The following TCERG1L variants were observed in gnomAD, a reference collection of about 807,000 sequenced individuals.
TCERG1L encodes the protein transcription elongation regulator 1 like, also known as transcription elongation regulator 1-like protein.
Under a neutral mutation model 56.3 loss-of-function variants are expected in TCERG1L, and 37 were observed. The observed-to-expected ratio is 0.66, with a 90% CI of 0.51 to 0.87. The LOEUF (loss-of-function observed/expected upper bound fraction) is 0.87. Ranked by LOEUF, TCERG1L falls within the 40% of genes least tolerant of loss-of-function variation. The pLI is 0.00. For missense variants in TCERG1L, 799 were observed against 774.2 expected (o/e 1.03, Z -0.38); for synonymous variants, 324 against 326.3 (o/e 0.99, Z 0.08).
intron 3 of TCERG1L, among the ~76,000 whole-genome samples, chr10:131,291,661 C>T (rs548663568): frequency 7.3e-5 from 11 of 151,646 alleles, no homozygotes; most frequent in Admixed American, 3.9e-4. Flanking sequence ...CTCCTGACCT[C>T]GTGATCCGCC....
intron 4 of TCERG1L, among the ~76,000 whole-genome samples, chr10:131,206,879 C>T (rs117093591): frequency 0.031 from 4,652 of 152,140 alleles, 97 homozygotes; most frequent in South Asian, 0.055. Context: ...GCGAGTGGTG[C>T]GGGAGGACGT....
chr10:131,221,965 G>A (rs891349458), intron 4 of TCERG1L, among the ~76,000 whole-genome samples: 1 of 152,190 alleles, frequency 6.6e-6, no homozygotes, highest in Non-Finnish European at 1.5e-5. Flanking sequence ...TCTCATTTTC[G>A]CTTGTTTACT....
intron 4 of TCERG1L, among the ~76,000 whole-genome samples, chr10:131,184,179 C>T (rs1480162781): frequency 2.0e-5 from 3 of 152,240 alleles, no homozygotes; most frequent in Non-Finnish European, 2.9e-5. Context: ...TAAGCGATGA[C>T]TTCATTGTCC....
intron 9 of TCERG1L, among the ~76,000 whole-genome samples, chr10:131,105,919 T>G (rs1196118440): frequency 6.6e-6 from 1 of 152,204 alleles, no homozygotes; most frequent in African/African-American, 2.4e-5. Context: ...TGACAGGTGC[T>G]CATCACTTGG....
chr10:131,095,708 A>G (rs751525164), intron 11 of TCERG1L: 8 of 152,246 alleles, frequency 5.3e-5, no homozygotes, highest in South Asian at 2.1e-4. Context: ...TAAGCATCTT[A>G]TCTCTATGTG....
At chr10:131,302,997 T>C (rs1488559722) in intron 3 of TCERG1L, among the ~76,000 whole-genome samples, 1 of 152,064 alleles carries the variant, frequency 6.6e-6, no homozygotes, top group East Asian at 1.9e-4. Context: ...ACGGTGTATA[T>C]GTGCCACATT....
At chr10:131,124,638 G>A (rs1230595076) in intron 8 of TCERG1L, among the ~76,000 whole-genome samples, 5 of 146,624 alleles carry the variant, frequency 3.4e-5, no homozygotes, top group African/African-American at 7.3e-5. Context: ...GCTGGACCCC[G>A]GCTGGCTTGG....
intron 4 of TCERG1L, among the ~76,000 whole-genome samples, chr10:131,236,769 A>T (rs1845917615): frequency 6.6e-6 from 1 of 152,140 alleles, no homozygotes; most frequent in Non-Finnish European, 1.5e-5. Context: ...AGAAGGAAGG[A>T]GTAAGGCAGG....
intron 8 of TCERG1L, among the ~76,000 whole-genome samples, chr10:131,130,768 T>A (rs1033862437): frequency 1.3e-5 from 2 of 151,606 alleles, no homozygotes; most frequent in African/African-American, 4.9e-5. Flanking sequence ...AAGTACTGAG[T>A]TTTGGGGGAA....
At position 131,267,922 on chromosome 10, in the gene TCERG1L, G is replaced by T. The variant is rs1846303090; in HGVS notation, c.671-7478C>A. Among the ~76,000 whole-genome samples, 1 of 152,210 alleles carries T rather than the reference G, an allele frequency of 6.6e-6. No individual in the cohort carries two copies. The highest frequency in any genetic ancestry group is 6.5e-5 in the Admixed American group (1 of 15,282). On this transcript the variant is annotated intron_variant, in intron 3 of 11. Transcript: ENST00000368642. This position sits in a 1 kb window ranked among gnomAD's most constrained non-coding sequence, Gnocchi z 4.9. Reference sequence around the variant, plus strand: ...CCCGGGGGCCCTAGTGCTCAGGGGTGGTCCAGGGCTCCCCTTTGCCCAGCT... The same window carrying T: ...CCCGGGGGCCCTAGTGCTCAGGGGTTGTCCAGGGCTCCCCTTTGCCCAGCT...
At chr10:131,297,957 A>G (rs1846716278) in intron 3 of TCERG1L, among the ~76,000 whole-genome samples, 1 of 152,034 alleles carries the variant, frequency 6.6e-6, no homozygotes, top group Non-Finnish European at 1.5e-5. Context: ...CTAATTTTTT[A>G]TAGCCAGGGG....
chr10:131,277,135 C>G (rs945060859), intron 3 of TCERG1L, among the ~76,000 whole-genome samples: 1 of 151,898 alleles, frequency 6.6e-6, no homozygotes, highest in African/African-American at 2.4e-5. Context: ...CACCACTGAG[C>G]TAGGAGCTGT....
At position 131,311,430 on chromosome 10, in the gene TCERG1L, G is replaced by A; in HGVS notation, c.206C>T (p.Pro69Leu). ...PPVLLASAPPPAAPLLPGLPG... is the reference protein window; with the variant it reads ...PPVLLASAPPLAAPLLPGLPG... ...GAGACCGGGGAGCAGCGGGGCCGCG[G>A]GCGGCGGGGCCGAGGCGAGCAGCAC... The change falls in exon 1 of 12, where the codon CCC becomes CTC. Residue 69 changes from proline (P) to leucine (L), a missense_variant. Physicochemically the swap from Pro to Leu is moderately conservative, Grantham distance 98. Transcript: ENST00000368642. This position sits in a 1 kb window ranked among gnomAD's most constrained non-coding sequence, Gnocchi z 4.0. The A allele has an allele frequency of 8.5e-7, 1 of 1,177,672 alleles. No individual in the cohort carries two copies. The highest frequency in any genetic ancestry group is 1.0e-6 in the Non-Finnish European group (1 of 954,734). The allele number at this position is 1,177,672 out of a possible 1,614,324, so 73.0% of individuals were successfully genotyped here.
At chr10:131,128,827 C>G (rs1384817522) in intron 8 of TCERG1L, among the ~76,000 whole-genome samples, 1 of 152,222 alleles carries the variant, frequency 6.6e-6, no homozygotes, top group East Asian at 1.9e-4. Flanking sequence ...ACAGACGAGC[C>G]GACATCACCT....
intron 4 of TCERG1L, among the ~76,000 whole-genome samples, chr10:131,255,057 G>T (rs1487125103): frequency 6.6e-6 from 1 of 152,198 alleles, no homozygotes; most frequent in African/African-American, 2.4e-5. Context: ...AGGCTAGAGA[G>T]ATCTGTGCAG....
In TCERG1L at chr10:131,093,134, C is replaced by G; in HGVS notation, c.*28G>C. 6.2e-7 allele frequency: 1 copy of G among 1,609,892 alleles called. No homozygotes were observed. The highest frequency in any genetic ancestry group is 8.5e-7 in the Non-Finnish European group (1 of 1,177,876). ...GCCCCCGGCACGCCCAGGGTCAACC[C>G]CCGGGCTTATTGCATTTTTTCACAA... On this transcript the variant is annotated 3_prime_UTR_variant, in exon 12 of 12. Coordinates refer to ENST00000368642, the MANE Select transcript of TCERG1L (RefSeq NM_174937.4).
At chr10:131,105,774 A>G (rs1171428202) in intron 9 of TCERG1L, among the ~76,000 whole-genome samples, 1 of 152,166 alleles carries the variant, frequency 6.6e-6, no homozygotes, top group East Asian at 1.9e-4. Flanking sequence ...TTTTATTTAT[A>G]TTGCTACGGA....
intron 4 of TCERG1L, among the ~76,000 whole-genome samples, chr10:131,227,382 G>C (rs946648596): frequency 6.6e-6 from 1 of 152,232 alleles, no homozygotes; most frequent in Non-Finnish European, 1.5e-5. Context: ...GGCAGAGCTG[G>C]ACCAAGTCAT....
intron 3 of TCERG1L, among the ~76,000 whole-genome samples, chr10:131,307,582 A>C (rs1846829053): frequency 6.6e-6 from 1 of 152,306 alleles, no homozygotes. Context: ...TGATTTTAAA[A>C]ATCAATTTAA....
Sources: gnomAD v4.1 joint callset for allele counts (sites outside exome capture counted in the v4.1 genomes callset) on GRCh38, gnomAD v4.1.1 for gene constraint, Gnocchi (gnomAD v3.1) non-coding constraint, MANE v1.5 for transcripts, NCBI Gene and HGNC (gene_info 2026-07-23, HGNC 2026-07-21) for gene names.